The following AGBL4 variants were observed in gnomAD, a reference collection of about 807,000 sequenced individuals.
The protein encoded by AGBL4 is AGBL carboxypeptidase 4, also known as cytosolic carboxypeptidase 6.
Under a neutral mutation model 66.4 loss-of-function variants are expected in AGBL4, and 58 were observed. That is an observed-to-expected ratio of 0.87 (90% confidence interval 0.71 to 1.09). The LOEUF (loss-of-function observed/expected upper bound fraction) is 1.09. AGBL4 is among the 50% of genes least tolerant of loss of function. The pLI is 0.00. For missense variants in AGBL4, 579 were observed against 631.0 expected (o/e 0.92, Z 0.88); for synonymous variants, 234 against 222.9 (o/e 1.05, Z -0.44).
At chr1:49,864,489 C>T (rs1646652620) in intron 1 of AGBL4, among the ~76,000 whole-genome samples, 1 of 152,090 alleles carries the variant, frequency 6.6e-6, no homozygotes, top group African/African-American at 2.4e-5. Flanking sequence ...CAGGCTCTCT[C>T]ATTAGGAAAG....
In AGBL4 at chr1:48,916,062, A is replaced by G. The variant is rs566077974; in HGVS notation, c.595-48832T>C. 2.0e-3 allele frequency among the ~76,000 whole-genome samples: 305 copies of G among 152,304 alleles called. 2 individuals carry two copies. Among genetic ancestry groups the G allele is most frequent in the African/African-American group, 7.0e-3 (291 of 41,564 alleles). On this transcript the variant is annotated intron_variant, in intron 5 of 13. Transcript: ENST00000371839. Reference sequence around the variant, plus strand: ...AATCAGCAGCTTCTCTCACTGGCCCATAAGTTCTTCCACAACAGGAACTGT... The same window carrying G: ...AATCAGCAGCTTCTCTCACTGGCCCGTAAGTTCTTCCACAACAGGAACTGT...
At chr1:49,540,968 T>G (rs1651964237) in intron 3 of AGBL4, among the ~76,000 whole-genome samples, 2 of 152,184 alleles carry the variant, frequency 1.3e-5, no homozygotes, top group African/African-American at 2.4e-5. Flanking sequence ...AGAAATAGGC[T>G]TGGAGAAATC....
chr1:49,741,654 A>T lies in AGBL4; in HGVS notation c.158-44217T>A, dbSNP rs192880171. On this transcript the variant is annotated intron_variant, in intron 2 of 13. Transcript: ENST00000371839. The stretch of plus-strand genomic sequence containing the variant: ...AACATCGATGCAAAAATCCTCAATA[A>T]AATACTGGCAAACTGAATCCAGCAG... Among the ~76,000 whole-genome samples the T allele has an allele frequency of 1.2e-4, 18 of 152,318 alleles. No individual in the cohort carries two copies. In the East Asian group the frequency reaches 3.3e-3, roughly 28 times the overall value.
rs1004934930 is a variant in AGBL4 at position 48,734,870 on chromosome 1, T to C, written c.635-71629A>G. On this transcript the variant is annotated intron_variant, in intron 6 of 13. Coordinates refer to ENST00000371839, the MANE Select transcript of AGBL4 (RefSeq NM_032785.4). Reference sequence around the variant, plus strand: ...GCCCCCAGAGTCTGCTGAAAACATATGTGTTGACTGACTGAGTCTTACTTT... The same window carrying C: ...GCCCCCAGAGTCTGCTGAAAACATACGTGTTGACTGACTGAGTCTTACTTT... 7.2e-5 allele frequency among the ~76,000 whole-genome samples: 11 copies of C among 152,208 alleles called. No homozygotes were observed. In the East Asian group the frequency reaches 1.9e-3, roughly 27 times the overall value.
intron 1 of AGBL4, among the ~76,000 whole-genome samples, chr1:50,007,773 G>C (rs1034368665): frequency 6.6e-6 from 1 of 151,892 alleles, no homozygotes; most frequent in Non-Finnish European, 1.5e-5. Context: ...CCAAATAAAA[G>C]GGAAAAAGAA....
rs150695550 is a variant in AGBL4 at position 48,591,927 on chromosome 1, A to G, written c.952-942T>C. Among the ~76,000 whole-genome samples, 10 of 152,340 alleles carry G rather than the reference A, an allele frequency of 6.6e-5. No individual in the cohort carries two copies. The East Asian group carries it at 1.7e-3, about 26-fold the overall frequency. On this transcript the variant is annotated intron_variant, in intron 9 of 13. Coordinates refer to ENST00000371839, the MANE Select transcript of AGBL4 (RefSeq NM_032785.4). ...GCCTGTAAGTAAAGGATGCTCAGTA[A>G]CTACATGCAGAATGATTGAAGAAAC...
intron 6 of AGBL4, chr1:48,727,917 T>C: frequency 1.2e-6 from 2 of 1,606,810 alleles, no homozygotes; most frequent in Non-Finnish European, 1.7e-6. Flanking sequence ...TTCCCTTCGT[T>C]CTTCATTTTT....
chr1:49,919,059 A>G (rs553430358), intron 1 of AGBL4, among the ~76,000 whole-genome samples: 69 of 152,352 alleles, frequency 4.5e-4, no homozygotes, highest in African/African-American at 1.6e-3. Context: ...AACTCTCAAT[A>G]AATTCGGTAT....
At chr1:49,263,178 A>T (rs1001802330) in intron 3 of AGBL4, among the ~76,000 whole-genome samples, 5 of 151,878 alleles carry the variant, frequency 3.3e-5, no homozygotes, top group African/African-American at 1.2e-4. Context: ...GTGGGGAGGG[A>T]TAGCATTAGG....
At chr1:48,816,048 TGTGTGTGTGTGTGTG>T (rs1646166024) in intron 6 of AGBL4, among the ~76,000 whole-genome samples, 3 of 1,444 alleles carry the variant, frequency 2.1e-3, no homozygotes, top group African/African-American at 2.7e-3. Context: ...AACTGTTTTG[TGTGTGTGTGTGTGTG>T]TGTGTGTGTG....
intron 2 of AGBL4, among the ~76,000 whole-genome samples, chr1:49,813,656 C>G (rs566239922): frequency 7.9e-4 from 120 of 152,206 alleles, no homozygotes; most frequent in African/African-American, 2.7e-3. Flanking sequence ...ATAAAGTACT[C>G]AATAAAACAA....
intron 4 of AGBL4, among the ~76,000 whole-genome samples, chr1:49,206,889 A>C (rs1194243820): frequency 2.0e-5 from 2 of 101,812 alleles, no homozygotes; most frequent in Non-Finnish European, 3.7e-5. Flanking sequence ...AGGAGAGGAG[A>C]GGAGAGGAGA....
intron 3 of AGBL4, among the ~76,000 whole-genome samples, chr1:49,400,256 C>A (rs530981457): frequency 1.3e-5 from 2 of 152,220 alleles, no homozygotes; most frequent in African/African-American, 4.8e-5. Context: ...TGTTTTTATG[C>A]CAGTACCATG....
chr1:49,682,988 C>A (rs1039196134), intron 3 of AGBL4, among the ~76,000 whole-genome samples: 1 of 152,174 alleles, frequency 6.6e-6, no homozygotes. Flanking sequence ...TACTTCACAA[C>A]GTCTATGCTG....
At chr1:49,874,659 A>C (rs1307917677) in intron 1 of AGBL4, among the ~76,000 whole-genome samples, 1 of 152,132 alleles carries the variant, frequency 6.6e-6, no homozygotes, top group Non-Finnish European at 1.5e-5. Flanking sequence ...TTAGTTGCTC[A>C]AGTATTATTC....
chr1:49,024,287 C>G (rs1040689197), intron 5 of AGBL4, among the ~76,000 whole-genome samples: 4 of 152,110 alleles, frequency 2.6e-5, no homozygotes, highest in African/African-American at 9.7e-5. Context: ...CTGAACATGA[C>G]AGGGAGAATC....
chr1:49,318,590 T>C (rs2148472645), intron 3 of AGBL4, among the ~76,000 whole-genome samples: 1 of 152,170 alleles, frequency 6.6e-6, no homozygotes, highest in African/African-American at 2.4e-5. Context: ...GTAAAAAACA[T>C]TTAATGTATA....
chr1:49,138,976 T>C (rs1318869128), intron 4 of AGBL4, among the ~76,000 whole-genome samples: 1 of 151,908 alleles, frequency 6.6e-6, no homozygotes, highest in Non-Finnish European at 1.5e-5. Context: ...CTTACAATGA[T>C]GGCAAAAAAG....
At chr1:49,986,236 T>A (rs1188987517) in intron 1 of AGBL4, among the ~76,000 whole-genome samples, 1 of 152,076 alleles carries the variant, frequency 6.6e-6, no homozygotes, top group East Asian at 1.9e-4. Context: ...ATAGATCTTA[T>A]GCCTCCCCAA....
Sources: allele counts gnomAD v4.1 joint callset (sites outside exome capture counted in the v4.1 genomes callset), GRCh38; gene constraint gnomAD v4.1.1; transcripts MANE v1.5; gene names NCBI Gene and HGNC (gene_info 2026-07-23, HGNC 2026-07-21).